The following FANCD2 variants were observed in gnomAD, a reference collection of about 807,000 sequenced individuals.
FANCD2 encodes Fanconi anemia group D2 protein.
A neutral mutation model predicts 192.3 loss-of-function variants in FANCD2; 131 were observed. The ratio of observed to expected loss-of-function variants is 0.68; its 90% confidence interval spans 0.59 to 0.79. FANCD2 has a LOEUF of 0.79. Ranked by LOEUF, FANCD2 falls within the 30% of genes least tolerant of loss-of-function variation. The pLI is 0.00. For synonymous variants in FANCD2, 524 were observed against 612.5 expected (o/e 0.86, Z 2.13); for missense variants, 1,508 against 1,701.6 (o/e 0.89, Z 2.00).
At chr3:10,088,659 G>A (rs1694387715) in intron 35 of FANCD2, 117 bp downstream of exon 35, 1 of 1,089,682 alleles carries the variant, frequency 9.2e-7, no homozygotes, top group African/African-American at 1.5e-5. Flanking sequence ...AATGAAGTAG[G>A]TTAAAAATGA....
At position 10,081,437 on chromosome 3, in the gene FANCD2, T is replaced by C. The variant is rs1330230664; in HGVS notation, c.3197T>C (p.Leu1066Pro). 3.1e-6 allele frequency: 5 copies of C among 1,613,900 alleles called. No individual in the cohort carries two copies. In the Admixed American group the frequency reaches 8.3e-5, roughly 27 times the overall value. The change falls in exon 32 of 44, where the codon CTG becomes CCG. Residue 1066 changes from leucine (L) to proline (P), a missense_variant. By Grantham distance (98) the Leu-to-Pro change is moderately conservative (BLOSUM62 -3). Around this residue, in one of 5 missense-constraint regions of FANCD2, gnomAD observed 796 missense variants for 879.4 expected, o/e 0.91. Transcript: ENST00000675286. Reference protein sequence around the residue: ...HIMSSCYQRLLQIFHGLFAWS... With the variant: ...HIMSSCYQRLPQIFHGLFAWS... ...ATGTCTTCCTGCTATCAGAGGCTGC[T>C]GCAGATTTTTCATGGGCTTTTTGCT...
chr3:10,097,405 G>T (rs751981960), intron 42 of FANCD2, among the ~76,000 whole-genome samples: 1 of 152,156 alleles, frequency 6.6e-6, no homozygotes, highest in Admixed American at 6.5e-5. Context: ...ACCCGGGGGG[G>T]CCCAGTTCAG....
In FANCD2 at chr3:10,088,532, G is replaced by A. The variant is rs1486046331; in HGVS notation, c.3550G>A (p.Ala1184Thr). 6.2e-7 allele frequency: 1 copy of A among 1,601,544 alleles called. No homozygotes were observed. Among genetic ancestry groups the A allele is most frequent in the African/African-American group, 1.3e-5 (1 of 74,626 alleles). ...CAACATCTCTAATGACCAGCTCCATGCTCTGCTCTGGTGAGATGTTTGGTT... is the reference window on the plus strand; with the variant it reads ...CAACATCTCTAATGACCAGCTCCATACTCTGCTCTGGTGAGATGTTTGGTT... ...KSNISNDQLH[A>T]LLCIYLEHTE... is the part of the protein sequence containing the mutation. The change falls in exon 35 of 44, where the codon GCT becomes ACT. Residue 1184 changes from alanine to threonine, a missense_variant. By Grantham distance (58) the Ala-to-Thr change is moderately conservative. Around this residue, in one of 5 missense-constraint regions of FANCD2, gnomAD observed 796 missense variants for 879.4 expected, o/e 0.91. Coordinates refer to ENST00000675286, the MANE Select transcript of FANCD2 (RefSeq NM_001018115.3).
chr3:10,040,033 C>CTT (rs570512566), intron 9 of FANCD2, 188 bp downstream of exon 9: 4,467 of 340,808 alleles, frequency 0.013, no homozygotes, highest in South Asian at 0.021. Context: ...CACATACTTT[C>CTT]TTTTTTTTTT....
chr3:10,073,471 G>A (rs1290559070), intron 28 of FANCD2, 109 bp downstream of exon 28: 5 of 894,560 alleles, frequency 5.6e-6, no homozygotes, highest in Middle Eastern at 2.1e-4. Flanking sequence ...AGGAAACAGC[G>A]AGCCAAAACT....
chr3:10,034,877 G>C (rs1380665349), intron 5 of FANCD2, 79 bp downstream of exon 5: 1 of 1,053,222 alleles, frequency 9.5e-7, no homozygotes, highest in Non-Finnish European at 1.4e-6. Flanking sequence ...GGAGAGCACA[G>C]TTGTTTCAAA....
chr3:10,034,455 T>C lies in FANCD2; in HGVS notation c.206-14T>C, dbSNP rs1183175644. On this transcript the variant is annotated splice_polypyrimidine_tract_variant and intron_variant, in intron 3 of 43. Coordinates refer to ENST00000675286, the MANE Select transcript of FANCD2 (RefSeq NM_001018115.3). ...GTAGGAAACTGGTGACCAGCTCTTC[T>C]TTTTTCTGCATAGCTGTGGATCAAA... The C allele has an allele frequency of 6.2e-7, 1 of 1,607,136 alleles. No individual in the cohort carries two copies. The highest frequency in any genetic ancestry group is 8.5e-7 in the Non-Finnish European group (1 of 1,173,726).
chr3:10,077,079 A>G (rs954019436), intron 29 of FANCD2, among the ~76,000 whole-genome samples: 1 of 152,038 alleles, frequency 6.6e-6, no homozygotes, highest in Non-Finnish European at 1.5e-5. Context: ...AGTTAAAAAA[A>G]AAAAGTAGCC....
At chr3:10,092,570 C>T (rs1200107480) in intron 38 of FANCD2, among the ~76,000 whole-genome samples, 1 of 151,976 alleles carries the variant, frequency 6.6e-6, no homozygotes, top group African/African-American at 2.4e-5. Flanking sequence ...CTCTTCTAAC[C>T]CTGAATGCCC....
chr3:10,042,058 C>T (rs769150582), intron 10 of FANCD2, among the ~76,000 whole-genome samples: 15 of 151,924 alleles, frequency 9.9e-5, no homozygotes, highest in Admixed American at 2.6e-4. Flanking sequence ...CCACCACTCC[C>T]GGCTAATTTT....
rs991559085 is a variant in FANCD2 at position 10,095,038 on chromosome 3, A to G, written c.3964-162A>G. 1.8e-5 allele frequency: 12 copies of G among 664,930 alleles called. No homozygotes were observed. In the African/African-American group the frequency reaches 2.1e-4, roughly 12 times the overall value. 41.2% of individuals were successfully genotyped at this position (664,930 alleles called of 1,614,324 possible). On this transcript the variant is annotated intron_variant, in intron 40 of 43. Transcript: ENST00000675286. The stretch of plus-strand genomic sequence containing the variant: ...AATGGGAGAGTTGAGAATAAGAGGT[A>G]GCTGCTATTCCTCCTATTTGAGAGG...
intron 18 of FANCD2, among the ~76,000 whole-genome samples, chr3:10,055,337 C>T (rs375035465): frequency 7.9e-5 from 12 of 152,230 alleles, no homozygotes; most frequent in African/African-American, 2.6e-4. Context: ...TTCCTCTCCC[C>T]ACCCCCTAAT....
At position 10,091,162 on chromosome 3, in the gene FANCD2, C is replaced by G. The variant is rs182852266; in HGVS notation, c.3777+777C>G. On this transcript the variant is annotated intron_variant, in intron 37 of 43. Transcript: ENST00000675286. ...GTGGTGCAAACTTGGCTCACTGCAGCCTTTGCCTTCTGGGCTCAGATGATC... is the reference window on the plus strand; with the variant it reads ...GTGGTGCAAACTTGGCTCACTGCAGGCTTTGCCTTCTGGGCTCAGATGATC... Among the ~76,000 whole-genome samples the G allele has an allele frequency of 3.9e-4, 57 of 147,488 alleles. 1 individual carries two copies. The highest frequency in any genetic ancestry group is 1.4e-3 in the African/African-American group (57 of 40,050).
At chr3:10,084,471 T>C (rs570138689) in intron 32 of FANCD2, among the ~76,000 whole-genome samples, 12 of 151,986 alleles carry the variant, frequency 7.9e-5, no homozygotes, top group African/African-American at 2.9e-4. Context: ...TCCTTTTTTT[T>C]TTCTTTGGTA....
In FANCD2 at chr3:10,088,446, C is replaced by T; in HGVS notation, c.3467-3C>T. The T allele has an allele frequency of 6.3e-7, 1 of 1,594,878 alleles. No homozygotes were observed. The highest frequency in any genetic ancestry group is 8.6e-7 in the Non-Finnish European group (1 of 1,162,522). ...AAGATTCCTTTGTCTTCTTTTCTAA[C>T]AGCTTCCCTTGCCAGACAATTCCTC... is the stretch of plus-strand genomic sequence containing the variant. On this transcript the variant is annotated splice_polypyrimidine_tract_variant and splice_region_variant and intron_variant, in intron 34 of 43. Transcript: ENST00000675286.
chr3:10,075,638 AT>A (rs533623776), intron 29 of FANCD2, among the ~76,000 whole-genome samples: 70 of 151,804 alleles, frequency 4.6e-4, no homozygotes, highest in African/African-American at 1.6e-3. Context: ...AGAGAGTAGA[AT>A]TTCTCTAGGT....
intron 25 of FANCD2, 123 bp from the exon 26 acceptor site, chr3:10,067,086 C>G (rs1438326854): frequency 1.2e-5 from 9 of 724,806 alleles, no homozygotes; most frequent in South Asian, 1.0e-4. Flanking sequence ...GAGGACAGTT[C>G]TATTACAGAC....
intron 26 of FANCD2, among the ~76,000 whole-genome samples, chr3:10,070,634 A>G (rs1693176801): frequency 6.9e-6 from 1 of 144,720 alleles, no homozygotes; most frequent in African/African-American, 2.5e-5. Context: ...GGTGTACCCA[A>G]CAGCTCATTG....
intron 28 of FANCD2, 141 bp downstream of exon 28, chr3:10,073,503 T>G: frequency 1.3e-6 from 1 of 760,852 alleles, no homozygotes; most frequent in Non-Finnish European, 2.4e-6. Flanking sequence ...TGGAGTAATC[T>G]CCTTAGTAGC....
Sources: allele counts gnomAD v4.1 joint callset (sites outside exome capture counted in the v4.1 genomes callset), GRCh38; gene constraint gnomAD v4.1.1; regional missense constraint gnomAD v4.1.1; transcripts MANE v1.5; gene names NCBI Gene and HGNC (gene_info 2026-07-23, HGNC 2026-07-21).